The following SDCCAG8 variants were observed in gnomAD, a reference collection of about 807,000 sequenced individuals.
The protein encoded by SDCCAG8 is SHH signaling and ciliogenesis regulator SDCCAG8.
A neutral mutation model predicts 101.8 loss-of-function variants in SDCCAG8; 74 were observed. The observed-to-expected ratio is 0.73, with a 90% CI of 0.60 to 0.88. The LOEUF (loss-of-function observed/expected upper bound fraction) is 0.88, where lower values mean the gene tolerates loss of function less well. Among genes scored for constraint, SDCCAG8 ranks in the 40% least tolerant of loss-of-function variants. SDCCAG8 has a pLI of 0.00. For missense variants in SDCCAG8, 787 were observed against 822.6 expected (o/e 0.96, Z 0.53); for synonymous variants, 281 against 292.9 (o/e 0.96, Z 0.41).
intron 16 of SDCCAG8, among the ~76,000 whole-genome samples, chr1:243,461,713 C>G (rs2994335): frequency 0.056 from 8,481 of 152,118 alleles, 812 homozygotes; most frequent in African/African-American, 0.19. Flanking sequence ...TTCCTTATTT[C>G]TGGACTATTG....
At chr1:243,431,674 T>G (rs1282012022) in intron 16 of SDCCAG8, among the ~76,000 whole-genome samples, 1 of 152,112 alleles carries the variant, frequency 6.6e-6, no homozygotes, top group African/African-American at 2.4e-5. Flanking sequence ...TGTTTTTATT[T>G]TAAAGTAAGT....
At chr1:243,426,690 A>G in intron 16 of SDCCAG8, 132 bp downstream of exon 16, 4 of 1,101,776 alleles carry the variant, frequency 3.6e-6, no homozygotes, top group African/African-American at 1.6e-5. Context: ...AAAATCTAAT[A>G]CTTTATTTTA....
chr1:243,476,080 G>T (rs541638082), intron 16 of SDCCAG8: 1 of 985,324 alleles, frequency 1.0e-6, no homozygotes, highest in African/African-American at 1.7e-5. Context: ...ACTCATCAGT[G>T]TGTGGAGGAC....
At chr1:243,359,134 T>G (rs1221587896) in intron 12 of SDCCAG8, among the ~76,000 whole-genome samples, 1 of 152,200 alleles carries the variant, frequency 6.6e-6, no homozygotes, top group Non-Finnish European at 1.5e-5. Context: ...AGCCAGCACC[T>G]TCCTCCTTCC....
chr1:243,430,614 A>G (rs2081671981), intron 16 of SDCCAG8, among the ~76,000 whole-genome samples: 1 of 151,338 alleles, frequency 6.6e-6, no homozygotes, highest in East Asian at 2.0e-4. Flanking sequence ...AATTTTTTGT[A>G]TTTTTAGTAG....
chr1:243,351,000 C>T (rs189770892), intron 12 of SDCCAG8, among the ~76,000 whole-genome samples: 190 of 152,266 alleles, frequency 1.2e-3, no homozygotes, highest in Non-Finnish European at 2.3e-3. Context: ...AATCCTGTTC[C>T]GTTCTATTCT....
chr1:243,309,891 G>A (rs775805414), intron 8 of SDCCAG8, among the ~76,000 whole-genome samples: 24 of 152,084 alleles, frequency 1.6e-4, no homozygotes, highest in Non-Finnish European at 3.1e-4. Context: ...TTGAGACGGA[G>A]TCTCTCTCTG....
chr1:243,425,279 T>C (rs1454084957), intron 15 of SDCCAG8, among the ~76,000 whole-genome samples: 1 of 152,122 alleles, frequency 6.6e-6, no homozygotes, highest in African/African-American at 2.4e-5. Context: ...CGTGCTGACA[T>C]ATTGAGAACT....
At chr1:243,316,155 T>C (rs1194722237) in intron 8 of SDCCAG8, among the ~76,000 whole-genome samples, 1 of 152,166 alleles carries the variant, frequency 6.6e-6, no homozygotes, top group African/African-American at 2.4e-5. Flanking sequence ...GGGATAAGAT[T>C]GTGTTAAATT....
intron 12 of SDCCAG8, among the ~76,000 whole-genome samples, chr1:243,371,212 C>T (rs958452291): frequency 6.6e-6 from 1 of 152,024 alleles, no homozygotes; most frequent in Non-Finnish European, 1.5e-5. Flanking sequence ...CATTATAGGC[C>T]AAGAGGTTTT....
At chr1:243,497,180 G>C (rs2148315117) in intron 17 of SDCCAG8, among the ~76,000 whole-genome samples, 1 of 152,272 alleles carries the variant, frequency 6.6e-6, no homozygotes, top group South Asian at 2.1e-4. Context: ...GCCAGATGTG[G>C]GCAGTAACTA....
intron 12 of SDCCAG8, 57 bp downstream of exon 12, chr1:243,344,388 C>T: frequency 8.6e-7 from 1 of 1,157,498 alleles, no homozygotes. Context: ...CATTCTTTCT[C>T]AAGTTGATGT....
chr1:243,464,717 G>A (rs984416111), intron 16 of SDCCAG8, among the ~76,000 whole-genome samples: 8 of 152,218 alleles, frequency 5.3e-5, no homozygotes, highest in African/African-American at 1.9e-4. Context: ...AAGTAAGATA[G>A]GACAATAAAC....
At position 243,288,741 on chromosome 1, in the gene SDCCAG8, G is replaced by T. The variant is rs543432510; in HGVS notation, c.546+2344G>T. 1.3e-4 allele frequency among the ~76,000 whole-genome samples: 20 copies of T among 152,260 alleles called. 1 individual carries two copies. In the South Asian group the frequency reaches 4.1e-3, roughly 32 times the overall value. On this transcript the variant is annotated intron_variant, in intron 5 of 17. Transcript: ENST00000366541. Reference sequence around the variant, plus strand: ...ATAATTGAGGTGGCCAGGCGCAGTGGCTCACGCCTGTAATCCCAACACTTT... The same window carrying T: ...ATAATTGAGGTGGCCAGGCGCAGTGTCTCACGCCTGTAATCCCAACACTTT...
intron 1 of SDCCAG8, among the ~76,000 whole-genome samples, chr1:243,259,068 T>C (rs1298148829): frequency 6.6e-6 from 1 of 152,208 alleles, no homozygotes; most frequent in African/African-American, 2.4e-5. Flanking sequence ...TGCAAAATGC[T>C]TTCCCTATTT....
At chr1:243,334,454 C>A (rs1245501828) in intron 10 of SDCCAG8, among the ~76,000 whole-genome samples, 2 of 152,236 alleles carry the variant, frequency 1.3e-5, no homozygotes, top group Admixed American at 6.5e-5. Context: ...CACTGACCTA[C>A]TTGTGCTTCC....
At chr1:243,485,720 A>G (rs917373212) in intron 16 of SDCCAG8, among the ~76,000 whole-genome samples, 1 of 151,642 alleles carries the variant, frequency 6.6e-6, no homozygotes, top group African/African-American at 2.4e-5. Flanking sequence ...CCTGGCCAAG[A>G]TGGTGAAACC....
At chr1:243,317,455 G>T (rs1276401834) in intron 9 of SDCCAG8, among the ~76,000 whole-genome samples, 1 of 151,914 alleles carries the variant, frequency 6.6e-6, no homozygotes, top group African/African-American at 2.4e-5. Flanking sequence ...CAAGTAGCTG[G>T]GATTACAGAC....
At chr1:243,339,369 T>C (rs1248775390) in intron 10 of SDCCAG8, among the ~76,000 whole-genome samples, 2 of 152,212 alleles carry the variant, frequency 1.3e-5, no homozygotes, top group African/African-American at 4.8e-5. Context: ...GTCATATGGT[T>C]CCAGAAAAGC....
Sources: gnomAD v4.1 joint callset for allele counts (sites outside exome capture counted in the v4.1 genomes callset) on GRCh38, gnomAD v4.1.1 for gene constraint, MANE v1.5 for transcripts, NCBI Gene and HGNC (gene_info 2026-07-23, HGNC 2026-07-21) for gene names.